SIPA1L2: variants seen among roughly 807,000 people sequenced by gnomAD.
SIPA1L2 encodes the protein signal induced proliferation associated 1 like 2, also known as signal-induced proliferation-associated 1-like protein 2.
Under a neutral mutation model 163.9 loss-of-function variants are expected in SIPA1L2, and 56 were observed. That is an observed-to-expected ratio of 0.34 (90% confidence interval 0.28 to 0.43). The LOEUF (loss-of-function observed/expected upper bound fraction) is 0.43, where lower values mean the gene tolerates loss of function less well. Ranked by LOEUF, SIPA1L2 falls within the 20% of genes least tolerant of loss-of-function variation. The pLI is 1.00. For missense variants in SIPA1L2, 1,974 were observed against 2,193.5 expected (o/e 0.90, Z 2.00); for synonymous variants, 877 against 865.7 (o/e 1.01, Z -0.23).
intron 1 of SIPA1L2, among the ~76,000 whole-genome samples, chr1:232,584,332 C>G: frequency 6.6e-6 from 1 of 152,190 alleles, no homozygotes; most frequent in East Asian, 1.9e-4. Context: ...TCAAGCGATT[C>G]TCCTGCCTCA....
chr1:232,484,451 C>T (rs1665543865), intron 5 of SIPA1L2, among the ~76,000 whole-genome samples: 1 of 151,992 alleles, frequency 6.6e-6, no homozygotes, highest in African/African-American at 2.4e-5. Context: ...AAGGAAAAAA[C>T]AAATCAAATT....
chr1:232,451,252 G>C (rs1160006040), intron 10 of SIPA1L2, among the ~76,000 whole-genome samples: 1 of 152,172 alleles, frequency 6.6e-6, no homozygotes, highest in African/African-American at 2.4e-5. Context: ...AGGGAAATGG[G>C]AAAAGGCATA....
At chr1:232,431,578 A>G (rs545215701) in intron 16 of SIPA1L2, among the ~76,000 whole-genome samples, 4 of 152,312 alleles carry the variant, frequency 2.6e-5, no homozygotes, top group Admixed American at 2.6e-4. Flanking sequence ...AGACCTGATC[A>G]TTTAGCACGA....
chr1:232,536,797 CAGG>C (rs1293396228), intron 2 of SIPA1L2, among the ~76,000 whole-genome samples: 1 of 151,970 alleles, frequency 6.6e-6, no homozygotes, highest in Non-Finnish European at 1.5e-5. Flanking sequence ...AGACGACTGA[CAGG>C]AGGAGTAGTT....
chr1:232,496,153 T>C (rs980394453), intron 3 of SIPA1L2, among the ~76,000 whole-genome samples: 6 of 152,234 alleles, frequency 3.9e-5, no homozygotes, highest in Admixed American at 6.5e-5. Flanking sequence ...GCTCCATTCA[T>C]GGTAAGTGCC....
Position 232,425,270 on chromosome 1 carries a change from T to A in SIPA1L2, c.4630+319A>T, listed in dbSNP as rs114263875. Among the ~76,000 whole-genome samples, 431 of 151,890 alleles carry A rather than the reference T, an allele frequency of 2.8e-3. 1 individual carries two copies. Among genetic ancestry groups the A allele is most frequent in the Middle Eastern group, 6.8e-3 (2 of 294 alleles). On this transcript the variant is annotated intron_variant, in intron 18 of 22. Transcript: ENST00000674635. ...TACATCAGTCTTTTCTTTTTTTTTT[T>A]AAATCAGGCTAAAGACATTTTTTTC... is the stretch of plus-strand genomic sequence containing the variant.
In SIPA1L2 at chr1:232,616,514, G is replaced by A. The variant is rs138898556; in HGVS notation, c.-319+13355C>T. ...CCCTTCCACCTCAACAAGCCTCAGCGCAGACCACTCAGGGCAATGCAGTGA... is the reference window on the plus strand; with the variant it reads ...CCCTTCCACCTCAACAAGCCTCAGCACAGACCACTCAGGGCAATGCAGTGA... On this transcript the variant is annotated intron_variant, in intron 1 of 22. Transcript: ENST00000674635. Among the ~76,000 whole-genome samples, 8 of 152,302 alleles carry A rather than the reference G, an allele frequency of 5.3e-5. No individual in the cohort carries two copies. The East Asian group carries it at 9.7e-4, about 18-fold the overall frequency.
intron 2 of SIPA1L2, among the ~76,000 whole-genome samples, chr1:232,560,153 T>C (rs1658950739): frequency 6.6e-6 from 1 of 152,178 alleles, no homozygotes; most frequent in Non-Finnish European, 1.5e-5. Context: ...GTACTTTGTG[T>C]TTTTAAAAAC....
chr1:232,449,426 G>A (rs1663421606), intron 10 of SIPA1L2, among the ~76,000 whole-genome samples: 1 of 151,558 alleles, frequency 6.6e-6, no homozygotes, highest in Non-Finnish European at 1.5e-5. Context: ...GCTGAGGCAG[G>A]AGAATGGCGT....
chr1:232,564,149 C>CGTGTGTGT lies in SIPA1L2; in HGVS notation c.-270+10017_-270+10024dup, dbSNP rs560949113. Among the ~76,000 whole-genome samples the CGTGTGTGT allele has an allele frequency of 2.0e-4, 9 of 44,612 alleles. 2 individuals carry two copies. The highest frequency in any genetic ancestry group is 1.3e-3 in the African/African-American group (9 of 7,020). 29.3% of individuals were successfully genotyped at this position (44,612 alleles called of 152,430 possible). Reference sequence around the variant, plus strand: ...GACGAAGGTTGTTTTTTTTTTTTTTCGTGTGTGTGTGTGTGTGTGTGTGTG... The same window carrying CGTGTGTGT: ...GACGAAGGTTGTTTTTTTTTTTTTTCGTGTGTGTGTGTGTGTGTGTGTGTGTGTGTGTG... On this transcript the variant is annotated intron_variant, in intron 2 of 22. Transcript: ENST00000674635.
intron 10 of SIPA1L2, among the ~76,000 whole-genome samples, chr1:232,454,988 G>T (rs1663810999): frequency 6.6e-6 from 1 of 152,218 alleles, no homozygotes; most frequent in Admixed American, 6.5e-5. Context: ...GCTCAGCACA[G>T]TTCCTGGCAC....
intron 13 of SIPA1L2, 46 bp downstream of exon 13, chr1:232,441,722 G>T: frequency 6.7e-7 from 1 of 1,498,186 alleles, no homozygotes; most frequent in Non-Finnish European, 9.3e-7. Flanking sequence ...GCAGAGAGGG[G>T]GAAAGGGGGA....
intron 2 of SIPA1L2, among the ~76,000 whole-genome samples, chr1:232,545,512 T>C (rs1290783218): frequency 2.6e-5 from 4 of 152,224 alleles, no homozygotes; most frequent in African/African-American, 4.8e-5. Flanking sequence ...TCACACGTAA[T>C]ACTACCACCC....
At chr1:232,563,462 T>C (rs1659159593) in intron 2 of SIPA1L2, among the ~76,000 whole-genome samples, 1 of 152,172 alleles carries the variant, frequency 6.6e-6, no homozygotes, top group Admixed American at 6.6e-5. Context: ...TAGTATACAC[T>C]GCCACGCTTA....
chr1:232,551,878 ACCCC>A (rs1399595841), intron 2 of SIPA1L2, among the ~76,000 whole-genome samples: 3 of 152,140 alleles, frequency 2.0e-5, no homozygotes, highest in Non-Finnish European at 4.4e-5. Context: ...TCGCTCTTGT[ACCCC>A]AGGCTGGAGT....
In SIPA1L2 at chr1:232,510,587, T is replaced by C. The variant is rs1347822074; in HGVS notation, c.1483+3270A>G. 2.6e-5 allele frequency among the ~76,000 whole-genome samples: 4 copies of C among 152,182 alleles called. No individual in the cohort carries two copies. The East Asian group carries it at 5.8e-4, about 22-fold the overall frequency. ...TTTGCAATGCTCTTGAAAAACTAAG[T>C]AGCTCATCAGAAAAGGTGGAGGAAA... On this transcript the variant is annotated intron_variant, in intron 3 of 22. Coordinates refer to ENST00000674635, the MANE Select transcript of SIPA1L2 (RefSeq NM_020808.5).
At chr1:232,476,846 G>A (rs990529844) in intron 7 of SIPA1L2, among the ~76,000 whole-genome samples, 1 of 152,200 alleles carries the variant, frequency 6.6e-6, no homozygotes, top group Non-Finnish European at 1.5e-5. Flanking sequence ...TGATGTGGAC[G>A]AGTCTGGACC....
intron 10 of SIPA1L2, among the ~76,000 whole-genome samples, chr1:232,446,732 A>G (rs2102876420): frequency 1.3e-5 from 2 of 152,254 alleles, no homozygotes; most frequent in South Asian, 4.1e-4. Flanking sequence ...TTTGTATGAG[A>G]TTTATCTTCC....
At chr1:232,539,420 G>T (rs569066807) in intron 2 of SIPA1L2, among the ~76,000 whole-genome samples, 11 of 152,294 alleles carry the variant, frequency 7.2e-5, no homozygotes, top group South Asian at 2.1e-4. Flanking sequence ...TTTCCTAAAA[G>T]TCAAACAACC....
Sources: allele counts gnomAD v4.1 joint callset (sites outside exome capture counted in the v4.1 genomes callset), GRCh38; gene constraint gnomAD v4.1.1; transcripts MANE v1.5; gene names NCBI Gene and HGNC (gene_info 2026-07-23, HGNC 2026-07-21).